Variants in BICD1 observed in about 807,000 individuals in gnomAD.
The protein encoded by BICD1 is BICD cargo adaptor 1, also known as protein bicaudal D homolog 1.
BICD1 carries 35 observed loss-of-function variants against 92.5 expected under a neutral mutation model. The ratio of observed to expected loss-of-function variants is 0.38; its 90% CI spans 0.29 to 0.50. The LOEUF is 0.50. Among genes scored for constraint, BICD1 ranks in the 20% least tolerant of loss-of-function variants. BICD1 has a pLI of 0.93. For synonymous variants in BICD1, 429 were observed against 465.1 expected, an observed-to-expected ratio of 0.92 and a Z score of 1.00; for missense variants, 950 against 1,189.8, an observed-to-expected ratio of 0.80 and a Z score of 2.97.
intron 3 of BICD1, among the ~76,000 whole-genome samples, chr12:32,301,966 A>C (rs1376606448): frequency 6.6e-6 from 1 of 152,080 alleles, no homozygotes; most frequent in Non-Finnish European, 1.5e-5. Flanking sequence ...GGCTCACTGC[A>C]ACCTCTGCTT....
intron 1 of BICD1, among the ~76,000 whole-genome samples, chr12:32,183,003 C>T (rs1446799825): frequency 6.6e-6 from 1 of 150,520 alleles, no homozygotes; most frequent in Non-Finnish European, 1.5e-5. Context: ...GCAATCCTTC[C>T]ACCTCAGCCT....
intron 6 of BICD1, among the ~76,000 whole-genome samples, chr12:32,335,311 C>G (rs922341117): frequency 1.3e-5 from 2 of 152,026 alleles, no homozygotes; most frequent in South Asian, 4.2e-4. Flanking sequence ...CCACCACGCC[C>G]GGCTAATTTT....
chr12:32,295,569 T>C (rs191245552), intron 3 of BICD1, among the ~76,000 whole-genome samples: 71 of 152,036 alleles, frequency 4.7e-4, no homozygotes, highest in African/African-American at 1.6e-3. Flanking sequence ...ATTGATTGAT[T>C]GATTGATAGA....
chr12:32,346,574 A>ACGTGTG (rs1565687162), intron 8 of BICD1, among the ~76,000 whole-genome samples: 2 of 42,912 alleles, frequency 4.7e-5, no homozygotes, highest in South Asian at 1.2e-3. Context: ...ATATATATAT[A>ACGTGTG]TATATATACG....
intron 9 of BICD1, among the ~76,000 whole-genome samples, chr12:32,377,253 T>A (rs1042354311): frequency 6.6e-6 from 1 of 152,002 alleles, no homozygotes; most frequent in Non-Finnish European, 1.5e-5. Context: ...TGAGAAGAAC[T>A]TCTGTAAAAT....
At chr12:32,308,921 G>A (rs1334249669) in intron 4 of BICD1, among the ~76,000 whole-genome samples, 8 of 152,140 alleles carry the variant, frequency 5.3e-5, no homozygotes, top group African/African-American at 1.4e-4. Flanking sequence ...AACACAGGAA[G>A]GGCTTTGCAG....
intron 4 of BICD1, among the ~76,000 whole-genome samples, chr12:32,306,437 G>A (rs185960466): frequency 1.8e-4 from 28 of 151,832 alleles, no homozygotes; most frequent in Non-Finnish European, 3.4e-4. Flanking sequence ...GTAGAGACGG[G>A]GTTTCACCGT....
intron 6 of BICD1, among the ~76,000 whole-genome samples, chr12:32,336,697 A>G (rs1449025980): frequency 6.6e-6 from 1 of 152,224 alleles, no homozygotes; most frequent in African/African-American, 2.4e-5. Flanking sequence ...CAGTAAAAAG[A>G]GCTACTGTAA....
chr12:32,256,521 C>T (rs1458819970), intron 2 of BICD1, among the ~76,000 whole-genome samples: 2 of 152,112 alleles, frequency 1.3e-5, no homozygotes, highest in Non-Finnish European at 1.5e-5. Flanking sequence ...TTTTGTTGAG[C>T]TTCAGGTTTT....
chr12:32,152,501 C>T (rs1404748645), intron 1 of BICD1, among the ~76,000 whole-genome samples: 1 of 152,138 alleles, frequency 6.6e-6, no homozygotes, highest in African/African-American at 2.4e-5. Flanking sequence ...GTTGGGATTA[C>T]AGGCGTGAGC....
At chr12:32,192,470 A>T (rs1190819599) in intron 1 of BICD1, among the ~76,000 whole-genome samples, 2 of 147,618 alleles carry the variant, frequency 1.4e-5, no homozygotes, top group Non-Finnish European at 2.9e-5. Flanking sequence ...AGATAGATAG[A>T]TAGATAGACA....
At chr12:32,294,620 TAAAAAAAAAA>T (rs60052535) in intron 3 of BICD1, among the ~76,000 whole-genome samples, 13 of 65,640 alleles carry the variant, frequency 2.0e-4, no homozygotes, top group African/African-American at 7.8e-4. Context: ...GACTCCGTCT[TAAAAAAAAAA>T]AAAAAAAAAA....
intron 8 of BICD1, among the ~76,000 whole-genome samples, chr12:32,361,497 G>C (rs1279908199): frequency 6.7e-6 from 1 of 148,638 alleles, no homozygotes; most frequent in Non-Finnish European, 1.5e-5. Flanking sequence ...AGTTTGCAAT[G>C]AGCCAAGATC....
At chr12:32,135,042 C>A in intron 1 of BICD1, among the ~76,000 whole-genome samples, 1 of 14,604 alleles carries the variant, frequency 6.8e-5, no homozygotes, top group East Asian at 3.0e-3. Flanking sequence ...TCTCCTCTCC[C>A]CCTCCTCCCC....
intron 2 of BICD1, among the ~76,000 whole-genome samples, chr12:32,219,721 G>A (rs1042323987): frequency 1.3e-5 from 2 of 152,092 alleles, no homozygotes; most frequent in African/African-American, 4.8e-5. Context: ...CTGCGGCTAT[G>A]CTTAAGTATA....
intron 5 of BICD1, among the ~76,000 whole-genome samples, chr12:32,330,929 G>GT (rs1279436165): frequency 6.6e-6 from 1 of 152,206 alleles, no homozygotes; most frequent in Admixed American, 6.5e-5. Context: ...GAGGTCAGGA[G>GT]TTTGAGACCA....
chr12:32,317,565 T>G (rs1359073000), intron 4 of BICD1, among the ~76,000 whole-genome samples: 3 of 152,228 alleles, frequency 2.0e-5, no homozygotes, highest in African/African-American at 7.2e-5. Flanking sequence ...TTTGTTTTTT[T>G]CTTGTAAATT....
At chr12:32,257,495 G>C (rs1477201474) in intron 2 of BICD1, among the ~76,000 whole-genome samples, 1 of 151,992 alleles carries the variant, frequency 6.6e-6, no homozygotes, top group Non-Finnish European at 1.5e-5. Flanking sequence ...ATCAAATGTT[G>C]GTCAAGATGG....
intron 1 of BICD1, among the ~76,000 whole-genome samples, chr12:32,202,872 A>C (rs1055144221): frequency 2.0e-5 from 3 of 152,188 alleles, no homozygotes; most frequent in Admixed American, 6.5e-5. Flanking sequence ...CAGCCTCCCC[A>C]AATGCTGGGA....
Sources: allele counts gnomAD v4.1 joint callset (sites outside exome capture counted in the v4.1 genomes callset), GRCh38; gene constraint gnomAD v4.1.1; transcripts MANE v1.5; gene names NCBI Gene and HGNC (gene_info 2026-07-23, HGNC 2026-07-21).